Variants in TSPAN11 observed in about 807,000 individuals in gnomAD.
The protein encoded by TSPAN11 is tetraspanin-11.
Under a neutral mutation model 32.9 loss-of-function variants are expected in TSPAN11, and 29 were observed. The observed-to-expected ratio is 0.88, with a 90% CI of 0.66 to 1.20. The LOEUF (loss-of-function observed/expected upper bound fraction) is 1.20. Ranked by LOEUF, TSPAN11 falls within the 50% of genes most tolerant of loss-of-function variation. The pLI is 0.00. For synonymous variants in TSPAN11, 140 were observed against 141.3 expected, an observed-to-expected ratio of 0.99 and a Z score of 0.07; for missense variants, 283 against 329.1, an observed-to-expected ratio of 0.86 and a Z score of 1.08.
chr12:30,979,027 G>A (rs1939032599), intron 4 of TSPAN11: 1 of 270,014 alleles, frequency 3.7e-6, no homozygotes, highest in African/African-American at 2.1e-5. Context: ...AAGCAAGGAT[G>A]GAGTGAGTCC....
At chr12:30,928,732 T>C (rs1200864930) in intron 1 of TSPAN11, among the ~76,000 whole-genome samples, 1 of 152,178 alleles carries the variant, frequency 6.6e-6, no homozygotes, top group Non-Finnish European at 1.5e-5. Context: ...TCTTTCCAGA[T>C]TATCATTCTG....
At chr12:30,926,943 C>A (rs934420377) in intron 1 of TSPAN11, 147 bp downstream of exon 1, 8 of 1,280,710 alleles carry the variant, frequency 6.2e-6, no homozygotes, top group Non-Finnish European at 8.1e-6. Context: ...AGAGGGAAGC[C>A]GGCTGGGGAT....
chr12:30,971,789 C>A (rs953419986), intron 3 of TSPAN11, among the ~76,000 whole-genome samples: 10 of 151,764 alleles, frequency 6.6e-5, no homozygotes, highest in African/African-American at 2.2e-4. Context: ...TATCTAATTA[C>A]TCACCTTAAT....
At chr12:30,977,524 T>A (rs551949386) in intron 3 of TSPAN11, among the ~76,000 whole-genome samples, 1 of 151,984 alleles carries the variant, frequency 6.6e-6, no homozygotes, top group Non-Finnish European at 1.5e-5. Context: ...CCAATTTCCA[T>A]CAGTAGTGCT....
chr12:30,954,260 A>T (rs946127331), intron 2 of TSPAN11, 185 bp downstream of exon 2: 5 of 619,382 alleles, frequency 8.1e-6, no homozygotes, highest in Non-Finnish European at 1.4e-5. Context: ...GAAGAAAAGA[A>T]TTGGGTCTGC....
intron 7 of TSPAN11, among the ~76,000 whole-genome samples, chr12:30,990,480 G>A (rs914139347): frequency 3.9e-5 from 6 of 152,340 alleles, no homozygotes; most frequent in Non-Finnish European, 5.9e-5. Context: ...CATGACGGCC[G>A]CCTGCGTAAA....
At chr12:30,977,870 G>C (rs1320954479) in intron 3 of TSPAN11, among the ~76,000 whole-genome samples, 1 of 152,190 alleles carries the variant, frequency 6.6e-6, no homozygotes. Context: ...GGGCCATGTA[G>C]AACAGGAAAT....
At chr12:30,934,141 C>T (rs1384992406) in intron 1 of TSPAN11, among the ~76,000 whole-genome samples, 1 of 152,246 alleles carries the variant, frequency 6.6e-6, no homozygotes, top group Admixed American at 6.5e-5. Context: ...TTCTGCAAGG[C>T]ACTAACCCCC....
chr12:31,016,502 G>GAGAGA, the TSPAN11 span, among the ~76,000 whole-genome samples: 3 of 151,698 alleles, frequency 2.0e-5, no homozygotes, highest in Non-Finnish European at 4.4e-5. Context: ...GAGAGGAGAG[G>GAGAGA]AGAGAAGAGA....
chr12:30,959,695 G>A (rs879779773), intron 2 of TSPAN11, among the ~76,000 whole-genome samples: 5 of 150,982 alleles, frequency 3.3e-5, no homozygotes, highest in East Asian at 2.0e-4. Context: ...CAGGAGAATC[G>A]CTTGAACCTG....
At chr12:30,971,709 C>T (rs901549322) in intron 3 of TSPAN11, among the ~76,000 whole-genome samples, 3 of 151,802 alleles carry the variant, frequency 2.0e-5, no homozygotes, top group Non-Finnish European at 2.9e-5. Context: ...ATGATTGTAC[C>T]ACTGTACTCC....
chr12:30,928,909 G>A (rs1164225272), intron 1 of TSPAN11, among the ~76,000 whole-genome samples: 1 of 152,220 alleles, frequency 6.6e-6, no homozygotes, highest in African/African-American at 2.4e-5. Flanking sequence ...AAGCGGGACT[G>A]CCTTTGTGCC....
chr12:30,971,432 G>A (rs921761627), intron 3 of TSPAN11, among the ~76,000 whole-genome samples: 3 of 152,150 alleles, frequency 2.0e-5, no homozygotes, highest in Non-Finnish European at 2.9e-5. Context: ...GCCCGCAAGC[G>A]ATGTTAAGTC....
intron 1 of TSPAN11, among the ~76,000 whole-genome samples, chr12:30,932,445 C>G (rs1333108467): frequency 6.6e-6 from 1 of 152,184 alleles, no homozygotes; most frequent in Non-Finnish European, 1.5e-5. Flanking sequence ...CATTGCTGCT[C>G]TCAACTACTC....
chr12:30,930,547 C>T (rs2140266906), intron 1 of TSPAN11, among the ~76,000 whole-genome samples: 1 of 152,316 alleles, frequency 6.6e-6, no homozygotes, highest in South Asian at 2.1e-4. Context: ...GTTATGTGAC[C>T]TTGCTAAGCT....
chr12:30,927,306 T>G (rs974657793), intron 1 of TSPAN11, among the ~76,000 whole-genome samples: 2 of 152,278 alleles, frequency 1.3e-5, no homozygotes, highest in African/African-American at 4.8e-5. Flanking sequence ...TGTGACAACA[T>G]GGCTGTGTAG....
chr12:30,954,232 A>T, intron 2 of TSPAN11, 157 bp downstream of exon 2: 1 of 643,414 alleles, frequency 1.6e-6, no homozygotes, highest in South Asian at 1.9e-5. Context: ...GCAAATATGT[A>T]CATTTGCTAC....
At chr12:30,957,276 G>A (rs1228471238) in intron 2 of TSPAN11, among the ~76,000 whole-genome samples, 1 of 144,498 alleles carries the variant, frequency 6.9e-6, no homozygotes, top group Non-Finnish European at 1.5e-5. Context: ...GTGCTGCCAG[G>A]ATCTGCTGGG....
chr12:30,956,045 G>C (rs566822866), intron 2 of TSPAN11, among the ~76,000 whole-genome samples: 2 of 152,308 alleles, frequency 1.3e-5, no homozygotes, highest in East Asian at 3.9e-4. Flanking sequence ...AGGAGACGGT[G>C]GTGACTTACA....
Sources: allele counts gnomAD v4.1 joint callset (sites outside exome capture counted in the v4.1 genomes callset), GRCh38; gene constraint gnomAD v4.1.1; transcripts MANE v1.5; gene names NCBI Gene and HGNC (gene_info 2026-07-23, HGNC 2026-07-21).